The following DTD1 variants were observed in gnomAD, a reference collection of about 807,000 sequenced individuals.
DTD1 encodes the protein D-tyrosyl-tRNA deacylase 1 homolog.
A neutral mutation model predicts 25.6 loss-of-function variants in DTD1; 13 were observed. The ratio of observed to expected loss-of-function variants is 0.51; its 90% CI spans 0.33 to 0.81. The LOEUF (loss-of-function observed/expected upper bound fraction) is 0.81, where lower values mean the gene tolerates loss of function less well. Ranked by LOEUF, DTD1 falls within the 30% of genes least tolerant of loss-of-function variation. The probability of loss-of-function intolerance (pLI) is 0.02; values close to 1 mark genes in which losing one functional copy is unlikely to be tolerated. For synonymous variants in DTD1, 110 were observed against 103.6 expected, an observed-to-expected ratio of 1.06 and a Z score of -0.37; for missense variants, 193 against 266.4, an observed-to-expected ratio of 0.72 and a Z score of 1.92.
chr20:18,611,291 A>G (rs1186299941), intron 3 of DTD1: 1 of 152,234 alleles, frequency 6.6e-6, no homozygotes, highest in East Asian at 1.9e-4. Context: ...CCAATGAAAC[A>G]AAATTCATAG....
intron 4 of DTD1, among the ~76,000 whole-genome samples, chr20:18,729,894 CT>C (rs1004724827): frequency 2.5e-4 from 38 of 152,014 alleles, no homozygotes; most frequent in African/African-American, 8.9e-4. Flanking sequence ...CTCTGAGTGG[CT>C]TCTATTGCAC....
chr20:18,655,802 C>G (rs1263319194), intron 4 of DTD1, among the ~76,000 whole-genome samples: 1 of 151,932 alleles, frequency 6.6e-6, no homozygotes, highest in Admixed American at 6.6e-5. Context: ...GGGAGTTTCA[C>G]TCTTGTTGCC....
intron 4 of DTD1, among the ~76,000 whole-genome samples, chr20:18,731,800 T>C (rs1032426552): frequency 2.6e-5 from 4 of 152,258 alleles, no homozygotes; most frequent in Non-Finnish European, 5.9e-5. Flanking sequence ...AGCTGTGTTA[T>C]ATCCTATAAT....
chr20:18,673,327 A>C (rs1267198886), intron 4 of DTD1, among the ~76,000 whole-genome samples: 5 of 152,230 alleles, frequency 3.3e-5, no homozygotes, highest in Non-Finnish European at 7.3e-5. Flanking sequence ...AAGTCAAAAC[A>C]CATGGTAGAA....
chr20:18,632,041 A>G, intron 4 of DTD1: 1 of 855,516 alleles, frequency 1.2e-6, no homozygotes, highest in Non-Finnish European at 1.4e-6. Context: ...CAGCACACAC[A>G]GAATAAAGGA....
intron 3 of DTD1, among the ~76,000 whole-genome samples, chr20:18,596,549 T>A (rs933914667): frequency 5.9e-5 from 9 of 152,156 alleles, no homozygotes; most frequent in African/African-American, 2.2e-4. Flanking sequence ...CCAATAGAAG[T>A]ATAGTGCAAG....
intron 5 of DTD1, among the ~76,000 whole-genome samples, chr20:18,758,259 G>T (rs1600226530): frequency 6.6e-6 from 1 of 152,022 alleles, no homozygotes; most frequent in Admixed American, 6.5e-5. Context: ...GGTTTTTTGT[G>T]TCTCTATTTC....
chr20:18,677,044 A>G (rs1234542531), intron 4 of DTD1, among the ~76,000 whole-genome samples: 2 of 152,236 alleles, frequency 1.3e-5, no homozygotes, highest in Non-Finnish European at 2.9e-5. Flanking sequence ...TTCAGGTGAC[A>G]AAGTAATTAA....
chr20:18,745,592 G>A (rs879933796), intron 5 of DTD1, among the ~76,000 whole-genome samples: 3 of 152,226 alleles, frequency 2.0e-5, no homozygotes, highest in Admixed American at 2.0e-4. Context: ...TGAGGGGCAA[G>A]GGCAGGGGAG....
intron 4 of DTD1, among the ~76,000 whole-genome samples, chr20:18,729,755 T>C (rs1217980715): frequency 6.6e-6 from 1 of 152,208 alleles, no homozygotes. Flanking sequence ...AGGTACTGCC[T>C]CCCAGCCTAA....
chr20:18,650,588 T>G (rs2060870674), intron 4 of DTD1, among the ~76,000 whole-genome samples: 1 of 152,262 alleles, frequency 6.6e-6, no homozygotes, highest in South Asian at 2.1e-4. Context: ...TTTAAAATAT[T>G]GTCACTGTAT....
At chr20:18,743,673 CAAA>C (rs11474877) in intron 4 of DTD1, among the ~76,000 whole-genome samples, 45 of 105,066 alleles carry the variant, frequency 4.3e-4, no homozygotes, top group Middle Eastern at 4.8e-3. Flanking sequence ...GACCCTGTCT[CAAA>C]AAAAAAAAAA....
At chr20:18,714,876 G>A (rs1361088474) in intron 4 of DTD1, among the ~76,000 whole-genome samples, 3 of 152,192 alleles carry the variant, frequency 2.0e-5, no homozygotes, top group Non-Finnish European at 4.4e-5. Context: ...ACTGGGTGCC[G>A]ACACTCCTGC....
chr20:18,646,138 T>C (rs898100922), intron 4 of DTD1, among the ~76,000 whole-genome samples: 2 of 152,214 alleles, frequency 1.3e-5, no homozygotes, highest in Admixed American at 6.5e-5. Flanking sequence ...TACAAGGCAC[T>C]GGCAGGCATG....
intron 4 of DTD1, among the ~76,000 whole-genome samples, chr20:18,670,915 A>G (rs1319496363): frequency 6.6e-6 from 1 of 152,182 alleles, no homozygotes; most frequent in Non-Finnish European, 1.5e-5. Context: ...ATTTTGTGTC[A>G]TTTCCTTTAG....
At chr20:18,603,776 T>C (rs1455851652) in intron 3 of DTD1, among the ~76,000 whole-genome samples, 1 of 116,478 alleles carries the variant, frequency 8.6e-6, no homozygotes, top group African/African-American at 3.2e-5. Flanking sequence ...TTCAAAGCAG[T>C]GTGTAGAGGG....
intron 4 of DTD1, among the ~76,000 whole-genome samples, chr20:18,639,563 C>A (rs1015650278): frequency 2.0e-5 from 3 of 151,918 alleles, no homozygotes; most frequent in Non-Finnish European, 4.4e-5. Flanking sequence ...TGGGCTCCAG[C>A]GTGCCTCTTG....
intron 4 of DTD1, among the ~76,000 whole-genome samples, chr20:18,685,052 C>G (rs1230107774): frequency 6.6e-6 from 1 of 152,148 alleles, no homozygotes; most frequent in Non-Finnish European, 1.5e-5. Context: ...GTGCATACCA[C>G]CATGCCCTGG....
intron 3 of DTD1, among the ~76,000 whole-genome samples, chr20:18,626,241 C>T (rs894694129): frequency 3.3e-5 from 5 of 152,160 alleles, no homozygotes; most frequent in African/African-American, 1.2e-4. Flanking sequence ...CAAACTGGGG[C>T]CCGGAGAGGT....
Sources: gnomAD v4.1 joint callset for allele counts (sites outside exome capture counted in the v4.1 genomes callset) on GRCh38, gnomAD v4.1.1 for gene constraint, MANE v1.5 for transcripts, NCBI Gene and HGNC (gene_info 2026-07-23, HGNC 2026-07-21) for gene names.